The following MAN1A2 variants were observed in gnomAD, a reference collection of about 807,000 sequenced individuals.
MAN1A2 encodes mannosyl-oligosaccharide 1,2-alpha-mannosidase IB.
In MAN1A2, 26 loss-of-function variants were observed where a neutral mutation model predicts 75.7. The observed-to-expected ratio is 0.34, with a 90% confidence interval of 0.25 to 0.48. MAN1A2 has a LOEUF of 0.48. Ranked by LOEUF, MAN1A2 falls within the 20% of genes least tolerant of loss-of-function variation. The pLI, the probability that MAN1A2 is intolerant of heterozygous loss-of-function variation, is 0.99. For synonymous variants in MAN1A2, 247 were observed against 264.6 expected (o/e 0.93, Z 0.65); for missense variants, 562 against 775.5 (o/e 0.72, Z 3.27).
intron 1 of MAN1A2, among the ~76,000 whole-genome samples, chr1:117,395,136 TAG>T (rs1424061610): frequency 6.6e-6 from 1 of 152,124 alleles, no homozygotes; most frequent in Non-Finnish European, 1.5e-5. Flanking sequence ...GGCTGAGAAA[TAG>T]AGTTTTTATT....
chr1:117,482,212 T>C (rs1650520289), intron 8 of MAN1A2, among the ~76,000 whole-genome samples: 1 of 152,058 alleles, frequency 6.6e-6, no homozygotes, highest in Non-Finnish European at 1.5e-5. Context: ...GCATGATTTA[T>C]AATCCTTTGG....
At position 117,523,086 on chromosome 1, in the gene MAN1A2, C is replaced by G; in HGVS notation, c.*129C>G. On this transcript the variant is annotated 3_prime_UTR_variant, in exon 13 of 13. Coordinates refer to ENST00000356554, the MANE Select transcript of MAN1A2 (RefSeq NM_006699.5). Reference sequence around the variant, plus strand: ...ACATGACAGGGTGAAACTATTCCCCCTAAGACTGTTCAACTTGTAGATACA... The same window carrying G: ...ACATGACAGGGTGAAACTATTCCCCGTAAGACTGTTCAACTTGTAGATACA... 1 of 997,564 alleles carries G rather than the reference C, an allele frequency of 1.0e-6. No individual in the cohort carries two copies. The highest frequency in any genetic ancestry group is 1.6e-6 in the Non-Finnish European group (1 of 639,466). The allele number at this position is 997,564 out of a possible 1,614,324, so 61.8% of individuals were successfully genotyped here.
At chr1:117,396,141 TC>T (rs1408844787) in intron 1 of MAN1A2, among the ~76,000 whole-genome samples, 1 of 152,212 alleles carries the variant, frequency 6.6e-6, no homozygotes, top group East Asian at 1.9e-4. Flanking sequence ...GAACTCAGTC[TC>T]CCAATGGACT....
intron 10 of MAN1A2, among the ~76,000 whole-genome samples, chr1:117,499,147 A>G (rs367673005): frequency 2.0e-5 from 3 of 152,118 alleles, no homozygotes; most frequent in East Asian, 3.9e-4. Flanking sequence ...ATGTTGATAC[A>G]CATTATTCTG....
intron 7 of MAN1A2, among the ~76,000 whole-genome samples, chr1:117,461,751 C>A (rs1052671841): frequency 6.6e-6 from 1 of 151,878 alleles, no homozygotes; most frequent in Non-Finnish European, 1.5e-5. Context: ...GGAGAGATAT[C>A]GTATTTATAT....
intron 1 of MAN1A2, among the ~76,000 whole-genome samples, chr1:117,371,607 A>G (rs868069366): frequency 6.6e-6 from 1 of 152,196 alleles, no homozygotes; most frequent in African/African-American, 2.4e-5. Context: ...AACATGTGTG[A>G]GAGCCCTAAG....
intron 1 of MAN1A2, among the ~76,000 whole-genome samples, chr1:117,372,622 A>G (rs1175773970): frequency 3.9e-5 from 6 of 152,178 alleles, no homozygotes; most frequent in Admixed American, 2.6e-4. Context: ...ATGGTTATTT[A>G]TAGTATCTAT....
At chr1:117,404,061 T>A (rs1473214331) in intron 2 of MAN1A2, among the ~76,000 whole-genome samples, 1 of 152,196 alleles carries the variant, frequency 6.6e-6, no homozygotes, top group Non-Finnish European at 1.5e-5. Context: ...TCTGTTAACA[T>A]GGTAAATTAC....
chr1:117,461,575 T>C (rs893701601), intron 7 of MAN1A2, among the ~76,000 whole-genome samples: 5 of 152,152 alleles, frequency 3.3e-5, no homozygotes, highest in Non-Finnish European at 5.9e-5. Flanking sequence ...ACAGAAGAAA[T>C]GATAAATGTT....
rs1298993274 is a variant in MAN1A2, at chr1:117,431,185, C to T, written c.855+10536C>T. ...CTTCGGCTCCGCATGAGAGGGAGAC[C>T]GTGGGGAGAGGGAGGGGGAGGGGGA... On this transcript the variant is annotated intron_variant, in intron 5 of 12. Coordinates refer to ENST00000356554, the MANE Select transcript of MAN1A2 (RefSeq NM_006699.5). Among the ~76,000 whole-genome samples the T allele has an allele frequency of 7.7e-3, 477 of 61,744 alleles. 26 individuals carry two copies. The East Asian group carries it at 0.19, about 24-fold the overall frequency. 40.5% of individuals were successfully genotyped at this position (61,744 alleles called of 152,430 possible). A position where few individuals can be genotyped will look rare whatever the true frequency, so the allele number is the denominator to read the frequency against.
At chr1:117,478,787 G>A (rs932820058) in intron 8 of MAN1A2, among the ~76,000 whole-genome samples, 3 of 151,942 alleles carry the variant, frequency 2.0e-5, no homozygotes, top group African/African-American at 7.2e-5. Flanking sequence ...TCAACACAGT[G>A]TGTACCATCC....
intron 1 of MAN1A2, among the ~76,000 whole-genome samples, chr1:117,377,183 C>G (rs546682016): frequency 6.6e-6 from 1 of 152,104 alleles, no homozygotes; most frequent in Non-Finnish European, 1.5e-5. Flanking sequence ...GCATCTGATA[C>G]AAAGTTTGTA....
At chr1:117,438,199 AC>A (rs1288443039) in intron 5 of MAN1A2, among the ~76,000 whole-genome samples, 2 of 152,186 alleles carry the variant, frequency 1.3e-5, no homozygotes, top group Non-Finnish European at 2.9e-5. Flanking sequence ...AATGATCCTG[AC>A]CCTGTGTAGG....
At chr1:117,483,702 C>CTCT (rs368682249) in intron 8 of MAN1A2, among the ~76,000 whole-genome samples, 1 of 151,500 alleles carries the variant, frequency 6.6e-6, no homozygotes, top group Non-Finnish European at 1.5e-5. Flanking sequence ...ATTTGACTTC[C>CTCT]TTTCCTAATT....
Position 117,496,875 on chromosome 1 carries a change from G to A in MAN1A2, c.1397G>A (p.Gly466Glu). Residue 466 changes from glycine (G) to glutamate (E), a missense_variant, in exon 10 of 13, where the codon GGA (glycine) becomes GAA (glutamate). Around this residue, in one of 2 missense-constraint regions of MAN1A2, gnomAD observed 434 missense variants for 645.7 expected, o/e 0.67. Coordinates refer to ENST00000356554, the MANE Select transcript of MAN1A2 (RefSeq NM_006699.5). Reference protein sequence around the residue: ...KMGHLACFAGGMFALGADGSR... With the variant: ...KMGHLACFAGEMFALGADGSR... ...GGGCATTTGGCCTGCTTTGCTGGGG[G>A]AATGTTTGCACTAGGAGCAGATGGT... 1 of 1,612,758 alleles carries A rather than the reference G, an allele frequency of 6.2e-7. No individual in the cohort carries two copies. Among genetic ancestry groups the A allele is most frequent in the Non-Finnish European group, 8.5e-7 (1 of 1,179,270 alleles).
rs1292818889 is a variant in MAN1A2 at position 117,528,111 on chromosome 1, C to G, written c.*5154C>G. ...AACTAAAGCATACCTCATCCTTAAA[C>G]TTCCACTATTTAACAGCTAATCCAT... On this transcript the variant is annotated 3_prime_UTR_variant, in exon 13 of 13. Transcript: ENST00000356554. The G allele has an allele frequency of 6.6e-6, 1 of 152,036 alleles. No homozygotes were observed. The highest frequency in any genetic ancestry group is 1.5e-5 in the Non-Finnish European group (1 of 67,964). The allele number at this position is 152,036 out of a possible 1,614,324, so 9.4% of individuals were successfully genotyped here.
intron 12 of MAN1A2, among the ~76,000 whole-genome samples, chr1:117,522,029 G>A (rs969634403): frequency 3.3e-5 from 5 of 151,854 alleles, no homozygotes; most frequent in African/African-American, 1.2e-4. Flanking sequence ...GGGGAGTTTG[G>A]GGGAAGAGTG....
intron 6 of MAN1A2, among the ~76,000 whole-genome samples, chr1:117,455,160 T>C (rs1452494115): frequency 6.6e-6 from 1 of 152,148 alleles, no homozygotes; most frequent in Non-Finnish European, 1.5e-5. Flanking sequence ...TCCAATGGAA[T>C]ACCATTTAGC....
At position 117,526,667 on chromosome 1, in the gene MAN1A2, A is replaced by C. The variant is rs1418442959; in HGVS notation, c.*3710A>C. On this transcript the variant is annotated 3_prime_UTR_variant, in exon 13 of 13. Coordinates refer to ENST00000356554, the MANE Select transcript of MAN1A2 (RefSeq NM_006699.5). ...CACATAATTCATGGGTAAAACTTGC[A>C]GTTGTAAATTGTGTCTGCTCTGGTA... The C allele has an allele frequency of 6.6e-6, 1 of 151,282 alleles. No individual in the cohort carries two copies. The highest frequency in any genetic ancestry group is 2.4e-5 in the African/African-American group (1 of 41,334). 9.4% of individuals were successfully genotyped at this position (151,282 alleles called of 1,614,324 possible).
Sources: allele counts gnomAD v4.1 joint callset (sites outside exome capture counted in the v4.1 genomes callset), GRCh38; gene constraint gnomAD v4.1.1; regional missense constraint gnomAD v4.1.1; transcripts MANE v1.5; gene names NCBI Gene and HGNC (gene_info 2026-07-23, HGNC 2026-07-21).